DARS2: variants seen among roughly 807,000 people sequenced by gnomAD.
DARS2 encodes aspartate--tRNA ligase, mitochondrial.
In DARS2, 63 loss-of-function variants were observed where a neutral mutation model predicts 83.0. That is an observed-to-expected ratio of 0.76 (90% confidence interval 0.62 to 0.94). The LOEUF (loss-of-function observed/expected upper bound fraction) is 0.94. Ranked by LOEUF, DARS2 falls within the 40% of genes least tolerant of loss-of-function variation. DARS2 has a pLI of 0.00. For synonymous variants in DARS2, 250 were observed against 269.3 expected, an observed-to-expected ratio of 0.93 and a Z score of 0.70; for missense variants, 675 against 774.4, an observed-to-expected ratio of 0.87 and a Z score of 1.52.
intron 5 of DARS2, 105 bp from the exon 6 acceptor site, chr1:173,833,271 A>G: frequency 9.8e-7 from 1 of 1,024,620 alleles, no homozygotes; most frequent in Non-Finnish European, 1.4e-6. Context: ...AATGATAGAA[A>G]CTAAAGACAG....
intron 13 of DARS2, among the ~76,000 whole-genome samples, chr1:173,852,613 T>C (rs1017002944): frequency 1.3e-5 from 2 of 152,110 alleles, no homozygotes; most frequent in Non-Finnish European, 1.5e-5. Flanking sequence ...CAAGCGATTT[T>C]CCTGCCTCAG....
At chr1:173,849,633 G>C (rs555499197) in intron 12 of DARS2, among the ~76,000 whole-genome samples, 1 of 152,084 alleles carries the variant, frequency 6.6e-6, no homozygotes, top group East Asian at 1.9e-4. Context: ...GGCACTCAAG[G>C]CTTAAGAGTC....
At position 173,853,379 on chromosome 1, in the gene DARS2, T is replaced by A. The variant is rs751160910; in HGVS notation, c.1375T>A (p.Cys459Ser). ...CSLLGKLRLECADLLETRGVV... is the reference protein window; with the variant it reads ...CSLLGKLRLESADLLETRGVV... The stretch of plus-strand genomic sequence containing the variant: ...TTTGTTAGGAAAATTACGACTGGAA[T>A]GTGCTGACCTTCTAGAAACAAGAGG... Residue 459 changes from cysteine to serine, a missense_variant, in exon 14 of 17, where the codon TGT becomes AGT. Transcript: ENST00000649689. The A allele has an allele frequency of 6.2e-7, 1 of 1,614,020 alleles. No homozygotes were observed. The highest frequency in any genetic ancestry group is 1.7e-5 in the Admixed American group (1 of 60,010).
chr1:173,850,819 G>A (rs1006931655), intron 13 of DARS2, among the ~76,000 whole-genome samples: 2 of 151,752 alleles, frequency 1.3e-5, no homozygotes, highest in Non-Finnish European at 2.9e-5. Flanking sequence ...TGCCCAGACT[G>A]GTCTCAAACT....
At chr1:173,850,149 G>C (rs1455276364) in intron 12 of DARS2, among the ~76,000 whole-genome samples, 178 bp from the exon 13 acceptor site, 1 of 151,794 alleles carries the variant, frequency 6.6e-6, no homozygotes, top group Non-Finnish European at 1.5e-5. Context: ...ACCGTGCCAA[G>C]CCTACTTTAT....
chr1:173,851,697 C>G (rs1653674852), intron 13 of DARS2: 1 of 296,128 alleles, frequency 3.4e-6, no homozygotes, highest in Non-Finnish European at 5.0e-6. Context: ...TAAAAATGTA[C>G]TGTAAAGATC....
chr1:173,834,732 G>GTTTTTTTTTTTTTT, intron 7 of DARS2, among the ~76,000 whole-genome samples: 5 of 21,678 alleles, frequency 2.3e-4, no homozygotes, highest in African/African-American at 7.2e-4. Context: ...GAGTTTTTTT[G>GTTTTTTTTTTTTTT]TTTTTTTTTT....
Position 173,825,448 on chromosome 1 carries a change from CCATTATTAT to C in DARS2, c.127+93_127+101del, listed in dbSNP as rs1482425982. On this transcript the variant is annotated intron_variant, in intron 1 of 16. Coordinates refer to ENST00000649689, the MANE Select transcript of DARS2 (RefSeq NM_018122.5). ...TTTATTCCATTTTTCATTTTTTCCC[CCATTATTAT>C]TATTATTATTATTATTATTATTATT... The C allele has an allele frequency of 1.6e-4, 105 of 646,126 alleles. 2 individuals carry two copies. The highest frequency in any genetic ancestry group is 1.7e-4 in the Non-Finnish European group (75 of 451,098). The allele number at this position is 646,126 out of a possible 1,614,324, so 40.0% of individuals were successfully genotyped here.
intron 11 of DARS2, 102 bp from the exon 12 acceptor site, chr1:173,845,119 TTACTATTG>T (rs1289770869): frequency 4.2e-5 from 32 of 756,482 alleles, no homozygotes; most frequent in Non-Finnish European, 7.2e-5. Context: ...TTATTAAATC[TTACTATTG>T]TAATAGAAAG....
Position 173,848,355 on chromosome 1 carries a change from T to C in DARS2, c.1192-1972T>C, listed in dbSNP as rs78830124. On this transcript the variant is annotated intron_variant, in intron 12 of 16. Coordinates refer to ENST00000649689, the MANE Select transcript of DARS2 (RefSeq NM_018122.5). The stretch of plus-strand genomic sequence containing the variant: ...ATTTGGCTTAGTACAAAATTTTGAA[T>C]TGACAGCCATATCATCTTAGAAGAG... 2.6e-3 allele frequency among the ~76,000 whole-genome samples: 401 copies of C among 152,346 alleles called. 3 individuals carry two copies. Among genetic ancestry groups the C allele is most frequent in the African/African-American group, 9.5e-3 (393 of 41,584 alleles).
intron 10 of DARS2, among the ~76,000 whole-genome samples, chr1:173,840,332 G>A (rs1233555129): frequency 6.6e-6 from 1 of 152,188 alleles, no homozygotes; most frequent in East Asian, 1.9e-4. Context: ...TCGGCCTCCT[G>A]GGTTCAAGCG....
rs750651579 is a variant in DARS2, at chr1:173,857,550, T to A, written c.1783T>A (p.Ser595Thr). Residue 595 changes from serine to threonine, a missense_variant, in exon 17 of 17, where the codon TCT becomes ACT. Ser to Thr is a moderately conservative substitution (Grantham distance 58). Transcript: ENST00000649689. ...CAGACTGATATGCCTTGTCACTGGA[T>A]CTCCAAGCATCAGAGATGTCATAGC... is the stretch of plus-strand genomic sequence containing the variant. ...LDRLICLVTGSPSIRDVIAFP... is the reference protein window; with the variant it reads ...LDRLICLVTGTPSIRDVIAFP... The A allele has an allele frequency of 3.1e-6, 5 of 1,614,154 alleles. No homozygotes were observed. The highest frequency in any genetic ancestry group is 4.2e-6 in the Non-Finnish European group (5 of 1,180,012).
intron 12 of DARS2, among the ~76,000 whole-genome samples, chr1:173,849,100 T>C (rs529386200): frequency 6.6e-6 from 1 of 151,944 alleles, no homozygotes; most frequent in African/African-American, 2.4e-5. Flanking sequence ...CAAGTTCTCT[T>C]TTGGTCCATA....
At chr1:173,851,933 T>C in intron 13 of DARS2, 2 of 985,264 alleles carry the variant, frequency 2.0e-6, no homozygotes, top group Non-Finnish European at 2.4e-6. Context: ...TTCCAAATTT[T>C]ATTATGAATG....
chr1:173,825,807 G>GT (rs1652504576), intron 1 of DARS2, among the ~76,000 whole-genome samples: 1 of 384 alleles, frequency 2.6e-3, no homozygotes, highest in African/African-American at 0.013. Flanking sequence ...ATGTGTAGAA[G>GT]CGAAATTCAC....
intron 9 of DARS2, among the ~76,000 whole-genome samples, chr1:173,838,601 T>C (rs1468942530): frequency 6.6e-6 from 1 of 152,082 alleles, no homozygotes; most frequent in African/African-American, 2.4e-5. Flanking sequence ...ATGTTCATGA[T>C]AAAGTCCTTA....
At chr1:173,829,840 A>G (rs2102637658) in intron 3 of DARS2, among the ~76,000 whole-genome samples, 1 of 152,274 alleles carries the variant, frequency 6.6e-6, no homozygotes, top group East Asian at 1.9e-4. Flanking sequence ...ACCCAGAGGC[A>G]GAGGTTGCAG....
chr1:173,837,052 CT>C lies in DARS2; in HGVS notation c.770+13del. On this transcript the variant is annotated splice_region_variant and intron_variant, in intron 8 of 16. Coordinates refer to ENST00000649689, the MANE Select transcript of DARS2 (RefSeq NM_018122.5). ...ATGGTTGGCGGTTTAGACAGGTGAG[CT>C]TTTTTTATGCTAGCAGTTGTCAGAA... 2 of 1,608,534 alleles carry C rather than the reference CT, an allele frequency of 1.2e-6. No individual in the cohort carries two copies. The highest frequency in any genetic ancestry group is 1.7e-6 in the Non-Finnish European group (2 of 1,175,222).
intron 11 of DARS2, among the ~76,000 whole-genome samples, chr1:173,841,550 T>C (rs1044982535): frequency 2.0e-5 from 3 of 151,938 alleles, no homozygotes; most frequent in Admixed American, 1.3e-4. Flanking sequence ...TAGTAGCTCA[T>C]ACCTATAATG....
Sources: allele counts gnomAD v4.1 joint callset (sites outside exome capture counted in the v4.1 genomes callset), GRCh38; gene constraint gnomAD v4.1.1; transcripts MANE v1.5; gene names NCBI Gene and HGNC (gene_info 2026-07-23, HGNC 2026-07-21).